The following KIAA0319L variants were observed in gnomAD, a reference collection of about 807,000 sequenced individuals.
KIAA0319L encodes dyslexia-associated protein KIAA0319-like protein.
KIAA0319L carries 55 observed loss-of-function variants against 120.1 expected under a neutral mutation model. The observed-to-expected ratio is 0.46, with a 90% CI of 0.37 to 0.57. The LOEUF (loss-of-function observed/expected upper bound fraction) is 0.57. Ranked by LOEUF, KIAA0319L falls within the 20% of genes least tolerant of loss-of-function variation. The probability of loss-of-function intolerance (pLI) is 0.00; values close to 1 mark genes in which losing one functional copy is unlikely to be tolerated. For missense variants in KIAA0319L, 1,049 were observed against 1,255.3 expected (o/e 0.84, Z 2.48); for synonymous variants, 398 against 471.9 (o/e 0.84, Z 2.03).
chr1:35,479,971 A>AAC (rs1644093355), intron 3 of KIAA0319L, among the ~76,000 whole-genome samples: 1 of 150,210 alleles, frequency 6.7e-6, no homozygotes, highest in Non-Finnish European at 1.5e-5. Flanking sequence ...AAAAAAAAAA[A>AAC]ACACAAGCTA....
chr1:35,472,147 C>T (rs1265281266), intron 5 of KIAA0319L, among the ~76,000 whole-genome samples: 2 of 152,198 alleles, frequency 1.3e-5, no homozygotes, highest in Non-Finnish European at 2.9e-5. Context: ...AATTTCAAAA[C>T]AGGACAATAT....
At chr1:35,478,843 A>C (rs1236123139) in intron 4 of KIAA0319L, 123 bp downstream of exon 4, 1 of 1,164,066 alleles carries the variant, frequency 8.6e-7, no homozygotes, top group Non-Finnish European at 1.2e-6. Context: ...GCAATGACAG[A>C]GTTATTTTTT....
chr1:35,456,809 TAA>T (rs1157462487), intron 9 of KIAA0319L, among the ~76,000 whole-genome samples: 1 of 117,810 alleles, frequency 8.5e-6, no homozygotes, highest in African/African-American at 3.2e-5. Flanking sequence ...AAACTTCATT[TAA>T]AAAAAAAAAG....
At chr1:35,541,599 CG>C (rs1465875347) in intron 2 of KIAA0319L, among the ~76,000 whole-genome samples, 1 of 152,066 alleles carries the variant, frequency 6.6e-6, no homozygotes, top group Admixed American at 6.5e-5. Context: ...ATCCACCCAC[CG>C]CAGCCTCCCA....
intron 19 of KIAA0319L, 96 bp downstream of exon 19, chr1:35,442,150 G>T: frequency 1.1e-6 from 1 of 912,042 alleles, no homozygotes; most frequent in Non-Finnish European, 1.8e-6. Context: ...TAAGGACCCA[G>T]CCCAGTCCTT....
intron 20 of KIAA0319L, chr1:35,440,827 C>A (rs1641152281): frequency 3.6e-6 from 2 of 563,324 alleles, no homozygotes; most frequent in Non-Finnish European, 6.4e-6. Flanking sequence ...AGGCCCAGCA[C>A]CCCCGCCAAG....
intron 16 of KIAA0319L, 62 bp downstream of exon 16, chr1:35,448,111 C>A (rs1205084577): frequency 6.9e-7 from 1 of 1,459,288 alleles, no homozygotes; most frequent in Non-Finnish European, 9.3e-7. Flanking sequence ...TTTCTCAGCT[C>A]ATTCAAGAAG....
intron 4 of KIAA0319L, among the ~76,000 whole-genome samples, chr1:35,475,550 A>C (rs542327905): frequency 4.9e-4 from 74 of 151,756 alleles, no homozygotes; most frequent in Non-Finnish European, 7.8e-4. Flanking sequence ...ATCATAGCTC[A>C]CTGCAGCCTC....
rs148024601 is a variant in KIAA0319L at position 35,551,348 on chromosome 1, C to T, written c.142+3002G>A. 2.6e-3 allele frequency among the ~76,000 whole-genome samples: 393 copies of T among 152,206 alleles called. 1 individual carries two copies. Among genetic ancestry groups the T allele is most frequent in the Non-Finnish European group, 4.7e-3 (319 of 68,004 alleles). On this transcript the variant is annotated intron_variant, in intron 2 of 20. Coordinates refer to ENST00000325722, the MANE Select transcript of KIAA0319L (RefSeq NM_024874.5). ...TCTTTTTTCCTTTCAGATGGAGTCT[C>T]GCTCTGTTGGCCAGGCTGGAATGCT...
At chr1:35,461,257 A>C (rs1039098323) in intron 8 of KIAA0319L, among the ~76,000 whole-genome samples, 1 of 152,166 alleles carries the variant, frequency 6.6e-6, no homozygotes, top group Non-Finnish European at 1.5e-5. Flanking sequence ...CCCTGAGGTC[A>C]GGAGTTTGAG....
At position 35,557,333 on chromosome 1, in the gene KIAA0319L, T is replaced by C. The variant is rs955686470; in HGVS notation, c.-155A>G. 3 of 264,756 alleles carry C rather than the reference T, an allele frequency of 1.1e-5. No individual in the cohort carries two copies. The highest frequency in any genetic ancestry group is 6.1e-5 in the South Asian group (2 of 32,904). The allele number at this position is 264,756 out of a possible 1,614,324, so 16.4% of individuals were successfully genotyped here. A position where few individuals can be genotyped will look rare whatever the true frequency, so the allele number is the denominator to read the frequency against. On this transcript the variant is annotated 5_prime_UTR_variant, in exon 1 of 21. Transcript: ENST00000325722. ...AGGAGGAGGAGGAAGAGGAAGAAGGTAGTGCGGGCTCCCCACCCGGACAGC... is the reference window on the plus strand; with the variant it reads ...AGGAGGAGGAGGAAGAGGAAGAAGGCAGTGCGGGCTCCCCACCCGGACAGC...
chr1:35,534,914 C>T (rs1312284681), intron 2 of KIAA0319L, among the ~76,000 whole-genome samples: 11 of 145,002 alleles, frequency 7.6e-5, no homozygotes, highest in Admixed American at 2.1e-4. Context: ...GTCAGGAGTT[C>T]GAGACCAGCC....
rs767178702 is a variant in KIAA0319L at position 35,479,043 on chromosome 1, T to G, written c.836A>C (p.Gln279Pro). ...ATAACTGTAGGAGGGAGCCACTGGC[T>G]GGGGGACAGCAATCTGGGTTTTCTC... Reference protein sequence around the residue: ...SSEKTQIAVPQPVAPSYSYAT... With the variant: ...SSEKTQIAVPPPVAPSYSYAT... The change falls in exon 4 of 21, where the codon CAG (glutamine) becomes CCG (proline). Residue 279 changes from glutamine (Q) to proline (P), a missense_variant. Gln to Pro is a moderately conservative substitution (Grantham distance 76, BLOSUM62 -1). Transcript: ENST00000325722. 3 of 1,614,140 alleles carry G rather than the reference T, an allele frequency of 1.9e-6. No homozygotes were observed. The highest frequency in any genetic ancestry group is 2.5e-6 in the Non-Finnish European group (3 of 1,180,010).
chr1:35,554,410 A>G lies in KIAA0319L; in HGVS notation c.82T>C (p.Leu28=), dbSNP rs757787530. ...GYYWQTSAKW[L]RSLYLFYTCF... ...GTATAAAACAGGTACAGGCTTCTCA[A>G]CCACTTCGCAGATGTCTGCCAATAA... Residue 28 remains leucine, a synonymous_variant, in exon 2 of 21, where the codon TTG becomes CTG. Transcript: ENST00000325722. 1.2e-6 allele frequency: 2 copies of G among 1,613,606 alleles called. No homozygotes were observed. Among genetic ancestry groups the G allele is most frequent in the Non-Finnish European group, 1.7e-6 (2 of 1,179,850 alleles).
rs1015717074 is a variant in KIAA0319L, at chr1:35,440,902, C to T, written c.2962+145G>A. On this transcript the variant is annotated intron_variant, in intron 20 of 20. Coordinates refer to ENST00000325722, the MANE Select transcript of KIAA0319L (RefSeq NM_024874.5). The stretch of plus-strand genomic sequence containing the variant: ...CCAGTGCAGCTCAGGGCAAATCTGA[C>T]CCTCAGTCTTCATCAGGCAAAAGGG... 13 of 741,972 alleles carry T rather than the reference C, an allele frequency of 1.8e-5. No individual in the cohort carries two copies. In the African/African-American group the frequency reaches 2.1e-4, roughly 12 times the overall value. 46.0% of individuals were successfully genotyped at this position (741,972 alleles called of 1,614,324 possible). A position where few individuals can be genotyped will look rare whatever the true frequency, so the allele number is the denominator to read the frequency against.
chr1:35,484,214 T>C (rs1644278726), intron 3 of KIAA0319L, among the ~76,000 whole-genome samples: 1 of 152,224 alleles, frequency 6.6e-6, no homozygotes, highest in Non-Finnish European at 1.5e-5. Context: ...GTTTTCAGTA[T>C]ACAGTTTTTG....
At chr1:35,454,092 G>A (rs529083848) in intron 11 of KIAA0319L, 1 of 450,306 alleles carries the variant, frequency 2.2e-6, no homozygotes, top group South Asian at 5.1e-5. Context: ...TACTTTTTAG[G>A]ATTTGGGATG....
intron 2 of KIAA0319L, among the ~76,000 whole-genome samples, chr1:35,544,763 A>G (rs1646920266): frequency 1.3e-5 from 2 of 152,222 alleles, no homozygotes; most frequent in African/African-American, 2.4e-5. Flanking sequence ...GCTCGAAGCC[A>G]TAATGGAGTA....
At chr1:35,537,897 C>A (rs956966197) in intron 2 of KIAA0319L, among the ~76,000 whole-genome samples, 3 of 152,128 alleles carry the variant, frequency 2.0e-5, no homozygotes, top group African/African-American at 7.2e-5. Flanking sequence ...TCTAGACTTA[C>A]AGAGCTGTAC....
Sources: gnomAD v4.1 joint callset for allele counts (sites outside exome capture counted in the v4.1 genomes callset) on GRCh38, gnomAD v4.1.1 for gene constraint, MANE v1.5 for transcripts, NCBI Gene and HGNC (gene_info 2026-07-23, HGNC 2026-07-21) for gene names.